HEMK2: variants seen among roughly 807,000 people sequenced by gnomAD.
HEMK2 encodes the protein methyltransferase HEMK2.
At chr21:28,723,951 T>C in the HEMK2 span, among the ~76,000 whole-genome samples, 1 of 152,160 alleles carries the variant, frequency 6.6e-6, no homozygotes, top group Non-Finnish European at 1.5e-5. Flanking sequence ...TTCCGTAACT[T>C]TGACCATCAG....
chr21:28,795,765 C>T, the HEMK2 span, among the ~76,000 whole-genome samples: 62,346 of 152,020 alleles, frequency 0.41, 14,003 homozygotes, highest in African/African-American at 0.58. Context: ...ATTTGGAGCA[C>T]AGGTTTGAAA....
the HEMK2 span, among the ~76,000 whole-genome samples, chr21:28,691,043 T>G: frequency 3.7e-3 from 569 of 152,324 alleles, 2 homozygotes; most frequent in African/African-American, 0.013. Context: ...GGTGTTGCTG[T>G]ACTTCTCTCC....
At chr21:28,846,615 G>A in the HEMK2 span, among the ~76,000 whole-genome samples, 210 of 149,086 alleles carry the variant, frequency 1.4e-3, 1 homozygote, top group African/African-American at 4.5e-3. Context: ...AGAAGTGTCC[G>A]TTCATGCCCT....
At chr21:28,685,535 A>T in the HEMK2 span, among the ~76,000 whole-genome samples, 1 of 152,206 alleles carries the variant, frequency 6.6e-6, no homozygotes, top group Non-Finnish European at 1.5e-5. Flanking sequence ...CTCTCAAACC[A>T]AAACAAAGCC....
chr21:28,878,362 T>G, the HEMK2 span: 1 of 1,611,484 alleles, frequency 6.2e-7, no homozygotes, highest in South Asian at 1.1e-5. Context: ...AATGTTTTCT[T>G]TTAACTCAAG....
the HEMK2 span, among the ~76,000 whole-genome samples, chr21:28,861,778 C>T: frequency 3.2e-4 from 48 of 152,118 alleles, no homozygotes; most frequent in Admixed American, 1.3e-4. Flanking sequence ...GTCCAATATA[C>T]GGTACTGTTT....
the HEMK2 span, among the ~76,000 whole-genome samples, chr21:28,607,481 G>A: frequency 0.011 from 1,601 of 152,216 alleles, 42 homozygotes; most frequent in African/African-American, 0.037. Context: ...GAAAACTGGC[G>A]TCATCATTGC....
the HEMK2 span, among the ~76,000 whole-genome samples, chr21:28,851,405 G>A: frequency 6.6e-6 from 1 of 152,144 alleles, no homozygotes; most frequent in African/African-American, 2.4e-5. Flanking sequence ...AGCCTGTCAG[G>A]TCACTGGATA....
chr21:28,801,850 G>C, the HEMK2 span, among the ~76,000 whole-genome samples: 289 of 152,082 alleles, frequency 1.9e-3, 2 homozygotes, highest in African/African-American at 6.5e-3. Flanking sequence ...CATCACTGTT[G>C]GATTAACAAA....
the HEMK2 span, among the ~76,000 whole-genome samples, chr21:28,751,292 TACTC>T: frequency 6.6e-6 from 1 of 151,914 alleles, no homozygotes; most frequent in Non-Finnish European, 1.5e-5. Context: ...GATCCTAAGT[TACTC>T]ACTACCTAAT....
chr21:28,654,377 C>T, the HEMK2 span, among the ~76,000 whole-genome samples: 1 of 152,086 alleles, frequency 6.6e-6, no homozygotes, highest in Non-Finnish European at 1.5e-5. Context: ...CCAGCATTTT[C>T]TTTCTTTCTC....
the HEMK2 span, among the ~76,000 whole-genome samples, chr21:28,607,389 C>A: frequency 6.6e-6 from 1 of 151,634 alleles, no homozygotes; most frequent in Non-Finnish European, 1.5e-5. Context: ...CCAGCCTGGG[C>A]AATACAGCGA....
chr21:28,874,013 G>C, the HEMK2 span: 2 of 152,166 alleles, frequency 1.3e-5, no homozygotes, highest in Non-Finnish European at 2.9e-5. Context: ...CCATATACTG[G>C]ATGTTGATTC....
At chr21:28,827,512 AC>A in the HEMK2 span, among the ~76,000 whole-genome samples, 1 of 152,224 alleles carries the variant, frequency 6.6e-6, no homozygotes, top group African/African-American at 2.4e-5. Context: ...TGTTTTGCAC[AC>A]ATTACTCCAC....
At chr21:28,668,559 G>C in the HEMK2 span, among the ~76,000 whole-genome samples, 1 of 152,158 alleles carries the variant, frequency 6.6e-6, no homozygotes, top group Non-Finnish European at 1.5e-5. Flanking sequence ...GGTCACTTCT[G>C]CTCACATTTC....
chr21:28,678,205 T>C, the HEMK2 span, among the ~76,000 whole-genome samples: 1 of 152,288 alleles, frequency 6.6e-6, no homozygotes, highest in East Asian at 1.9e-4. Flanking sequence ...TTAAAGGACC[T>C]GATGGAGCTG....
At chr21:28,749,610 C>A in the HEMK2 span, among the ~76,000 whole-genome samples, 1 of 152,192 alleles carries the variant, frequency 6.6e-6, no homozygotes, top group Non-Finnish European at 1.5e-5. Flanking sequence ...TGATACTGTT[C>A]AGCACTTGGT....
At chr21:28,714,760 T>C in the HEMK2 span, among the ~76,000 whole-genome samples, 1 of 152,140 alleles carries the variant, frequency 6.6e-6, no homozygotes, top group South Asian at 2.1e-4. Flanking sequence ...GTAGGGAGCA[T>C]AGTACTCAAT....
the HEMK2 span, among the ~76,000 whole-genome samples, chr21:28,670,038 G>A: frequency 6.6e-6 from 1 of 152,022 alleles, no homozygotes; most frequent in African/African-American, 2.4e-5. Flanking sequence ...TATGAATGTA[G>A]AAGAGTGAAA....
Sources: gnomAD v4.1 joint callset for allele counts (sites outside exome capture counted in the v4.1 genomes callset) on GRCh38, gnomAD v4.1.1 for gene constraint, MANE v1.5 for transcripts, NCBI Gene and HGNC (gene_info 2026-07-23, HGNC 2026-07-21) for gene names.